Variants in HYDIN observed in about 807,000 individuals in gnomAD.
The protein encoded by HYDIN is axonemal central pair apparatus protein HYDIN.
Under a neutral mutation model 403.9 loss-of-function variants are expected in HYDIN, and 132 were observed. The observed-to-expected ratio is 0.33, with a 90% CI of 0.28 to 0.38. HYDIN has a LOEUF of 0.38. HYDIN is among the 10% of genes least tolerant of loss of function. HYDIN has a pLI of 1.00. For synonymous variants in HYDIN, 1,202 were observed against 1,891.7 expected (o/e 0.64, Z 9.46); for missense variants, 2,827 against 5,009.5 (o/e 0.56, Z 13.15).
chr16:71,169,156 C>A (rs1045446955), intron 5 of HYDIN, among the ~76,000 whole-genome samples: 1 of 152,098 alleles, frequency 6.6e-6, no homozygotes, highest in Non-Finnish European at 1.5e-5. Flanking sequence ...CTGGGCACAG[C>A]GGCTCATGCC....
At position 70,908,336 on chromosome 16, in the gene HYDIN, T is replaced by G; in HGVS notation, c.8312A>C (p.Asn2771Thr). 7.2e-7 allele frequency: 1 copy of G among 1,385,316 alleles called. No homozygotes were observed. Among genetic ancestry groups the G allele is most frequent in the Non-Finnish European group, 1.0e-6 (1 of 989,216 alleles). 85.8% of individuals were successfully genotyped at this position (1,385,316 alleles called of 1,614,324 possible). Residue 2771 changes from asparagine to threonine, a missense_variant, in exon 49 of 86, where the codon AAC becomes ACC. Asn to Thr is a moderately conservative substitution (Grantham distance 65). Coordinates refer to ENST00000393567, the MANE Select transcript of HYDIN (RefSeq NM_001270974.2). Reference protein sequence around the residue: ...DEFGNFDQTFNFEILGTCCQY... With the variant: ...DEFGNFDQTFTFEILGTCCQY... Reference sequence around the variant, plus strand: ...GCAGCAAGTTCCTAGGATCTCAAAGTTAAAGGTTTGGTCAAAGTTCCCGAA... The same window carrying G: ...GCAGCAAGTTCCTAGGATCTCAAAGGTAAAGGTTTGGTCAAAGTTCCCGAA...
chr16:71,039,362 T>A (rs2081205619), intron 18 of HYDIN, among the ~76,000 whole-genome samples: 1 of 152,156 alleles, frequency 6.6e-6, no homozygotes. Flanking sequence ...CCCTCCCCAG[T>A]CTACACTGTT....
chr16:71,209,500 A>G (rs2088475497), intron 1 of HYDIN, among the ~76,000 whole-genome samples: 2 of 151,828 alleles, frequency 1.3e-5, no homozygotes, highest in South Asian at 4.2e-4. Flanking sequence ...AAGGATGTCC[A>G]CTCTCACCAC....
At chr16:71,174,344 T>TA (rs1398840056) in intron 5 of HYDIN, among the ~76,000 whole-genome samples, 1 of 152,168 alleles carries the variant, frequency 6.6e-6, no homozygotes, top group Non-Finnish European at 1.5e-5. Flanking sequence ...CTGGTAATGA[T>TA]ATTGACAGCA....
chr16:71,081,709 A>G (rs1256415259), intron 12 of HYDIN, among the ~76,000 whole-genome samples: 1 of 149,136 alleles, frequency 6.7e-6, no homozygotes, highest in Admixed American at 6.8e-5. Flanking sequence ...TAATTCTCAC[A>G]GGGATTCAGA....
chr16:71,156,914 C>T (rs1179152081), intron 6 of HYDIN, among the ~76,000 whole-genome samples: 3 of 152,064 alleles, frequency 2.0e-5, no homozygotes, highest in South Asian at 2.1e-4. Flanking sequence ...GTTCTCTGTA[C>T]ATTTTACAGC....
At chr16:71,185,076 G>A in intron 2 of HYDIN, 86 bp from the exon 3 acceptor site, 1 of 890,392 alleles carries the variant, frequency 1.1e-6, no homozygotes, top group Non-Finnish European at 1.6e-6. Flanking sequence ...TGAATAATTT[G>A]TGTTTGCAGC....
At chr16:71,162,219 A>C (rs2086029386) in intron 6 of HYDIN, among the ~76,000 whole-genome samples, 1 of 151,238 alleles carries the variant, frequency 6.6e-6, no homozygotes, top group Non-Finnish European at 1.5e-5. Context: ...AGTTATAAAA[A>C]TTCTCAGTCA....
rs762337843 is a variant in HYDIN, at chr16:70,908,759, A to T, written c.8107T>A (p.Leu2703Ile). ...TCCCCAGAAAGGACCTTCCTGTTTA[A>T]GGCCATGTGACGCTTGTCTTTCTGA... is the stretch of plus-strand genomic sequence containing the variant. Reference protein sequence around the residue: ...EIQKDKRHMALNRKVLSGEPA... With the variant: ...EIQKDKRHMAINRKVLSGEPA... The change falls in exon 48 of 86, where the codon TTA (leucine) becomes ATA (isoleucine). Residue 2703 changes from leucine to isoleucine, a missense_variant. By Grantham distance (5) the Leu-to-Ile change is conservative. Transcript: ENST00000393567. 1.2e-5 allele frequency: 19 copies of T among 1,614,030 alleles called. No individual in the cohort carries two copies. Among genetic ancestry groups the T allele is most frequent in the Non-Finnish European group, 1.5e-5 (18 of 1,180,026 alleles).
rs752075137 is a variant in HYDIN, at chr16:70,818,436, T to G, written c.14564A>C (p.Glu4855Ala). ...RQVASASIKLENPLPYSVTFS... is the reference protein window; with the variant it reads ...RQVASASIKLANPLPYSVTFS... Reference sequence around the variant, plus strand: ...GGTCACCGAGTAGGGCAGAGGGTTCTCCAACTTGATGGAGGCTGACGCAAC... The same window carrying G: ...GGTCACCGAGTAGGGCAGAGGGTTCGCCAACTTGATGGAGGCTGACGCAAC... The change falls in exon 84 of 86, where the codon GAG (glutamate) becomes GCG (alanine). Residue 4855 changes from glutamate (E) to alanine (A), a missense_variant. Physicochemically the swap from Glu to Ala is moderately radical, Grantham distance 107. Transcript: ENST00000393567. 15 of 1,611,218 alleles carry G rather than the reference T, an allele frequency of 9.3e-6. 1 individual carries two copies. In the South Asian group the frequency reaches 1.7e-4, roughly 18 times the overall value.
At position 70,943,798 on chromosome 16, in the gene HYDIN, T is replaced by C; in HGVS notation, c.6669+14A>G. The C allele has an allele frequency of 6.2e-7, 1 of 1,610,092 alleles. No individual in the cohort carries two copies. Among genetic ancestry groups the C allele is most frequent in the Non-Finnish European group, 8.5e-7 (1 of 1,179,726 alleles). ...GCCAAGCCCTGCAGCTCTGTGCAGG[T>C]GGCATGGACCCACCTGTATCCGCTC... On this transcript the variant is annotated intron_variant, in intron 42 of 85. Coordinates refer to ENST00000393567, the MANE Select transcript of HYDIN (RefSeq NM_001270974.2).
chr16:70,820,024 G>C (rs1217892262), intron 83 of HYDIN, among the ~76,000 whole-genome samples: 1 of 136,876 alleles, frequency 7.3e-6, no homozygotes, highest in Admixed American at 7.4e-5. Context: ...GTTTCACCGT[G>C]TTAGTCAGGA....
rs2076187516 is a variant in HYDIN at position 70,895,895 on chromosome 16, C to A, written c.9148+86G>T. The A allele has an allele frequency of 3.4e-6, 5 of 1,467,636 alleles. No individual in the cohort carries two copies. The South Asian group carries it at 7.2e-5, about 21-fold the overall frequency. The allele number at this position is 1,467,636 out of a possible 1,614,324, so 90.9% of individuals were successfully genotyped here. A position where few individuals can be genotyped will look rare whatever the true frequency, so the allele number is the denominator to read the frequency against. The stretch of plus-strand genomic sequence containing the variant: ...CCATGCCCAATCCCTGCAATACTAA[C>A]AACACACTAGCCTTTCTCTACACAG... On this transcript the variant is annotated intron_variant, in intron 54 of 85. Transcript: ENST00000393567.
rs1228721561 is a variant in HYDIN, at chr16:70,840,100, G to A, written c.13007C>T (p.Thr4336Ile). The A allele has an allele frequency of 2.4e-6, 2 of 838,216 alleles. No individual in the cohort carries two copies. Among genetic ancestry groups the A allele is most frequent in the East Asian group, 5.2e-5 (2 of 38,272 alleles). The allele number at this position is 838,216 out of a possible 1,614,324, so 51.9% of individuals were successfully genotyped here. ...TTCTTCCTTGTTGGTAATTACCAGGGTTTGTTTGTATGGGGGCATCCCAGC... is the reference window on the plus strand; with the variant it reads ...TTCTTCCTTGTTGGTAATTACCAGGATTTGTTTGTATGGGGGCATCCCAGC... ...YQAGMPPYKQ[T>I]LVITNKEETP... The change falls in exon 76 of 86, where the codon ACC (threonine) becomes ATC (isoleucine). Residue 4336 changes from threonine (T) to isoleucine (I), a missense_variant. Physicochemically the swap from Thr to Ile is moderately conservative, Grantham distance 89 (BLOSUM62 -1). Coordinates refer to ENST00000393567, the MANE Select transcript of HYDIN (RefSeq NM_001270974.2).
intron 83 of HYDIN, among the ~76,000 whole-genome samples, chr16:70,822,676 C>T (rs1172160681): frequency 6.6e-6 from 1 of 152,122 alleles, no homozygotes; most frequent in Non-Finnish European, 1.5e-5. Context: ...AGGAAATTGC[C>T]ACAGTCACCC....
At position 70,834,029 on chromosome 16, in the gene HYDIN, G is replaced by A. The variant is rs1471907340; in HGVS notation, c.13537C>T (p.Arg4513Cys). Residue 4513 changes from arginine to cysteine, a missense_variant, in exon 79 of 86, where the codon CGC becomes TGC. Transcript: ENST00000393567. ...CAGCCGCTAAGGAGGAAGAGGGGGC[G>A]CAGGAGCCCCATGCATTCCATGAAC... ...EVFMECMGLL[R>C]PLFLLSGCCQ... is the part of the protein sequence containing the mutation. The A allele has an allele frequency of 2.5e-6, 4 of 1,597,216 alleles. No individual in the cohort carries two copies. The highest frequency in any genetic ancestry group is 2.2e-5 in the East Asian group (1 of 44,564).
intron 18 of HYDIN, among the ~76,000 whole-genome samples, chr16:71,051,360 C>T (rs1400894512): frequency 6.6e-6 from 1 of 151,594 alleles, no homozygotes; most frequent in African/African-American, 2.4e-5. Flanking sequence ...TAAAATGAAA[C>T]ATTTGGCCGG....
intron 21 of HYDIN, among the ~76,000 whole-genome samples, chr16:71,024,426 C>T (rs1162248901): frequency 2.0e-5 from 3 of 151,640 alleles, no homozygotes; most frequent in African/African-American, 7.3e-5. Context: ...ACCACATGGA[C>T]GAACAAGATC....
intron 23 of HYDIN, among the ~76,000 whole-genome samples, chr16:70,996,316 G>T (rs1181434517): frequency 4.6e-5 from 7 of 152,206 alleles, no homozygotes; most frequent in Admixed American, 3.3e-4. Context: ...GGATTCTAAA[G>T]ATGAGAAACC....
Sources: gnomAD v4.1 joint callset for allele counts (sites outside exome capture counted in the v4.1 genomes callset) on GRCh38, gnomAD v4.1.1 for gene constraint, MANE v1.5 for transcripts, NCBI Gene and HGNC (gene_info 2026-07-23, HGNC 2026-07-21) for gene names.